The following WDR70 variants were observed in gnomAD, a reference collection of about 807,000 sequenced individuals.
The protein encoded by WDR70 is WD repeat-containing protein 70.
In WDR70, 53 loss-of-function variants were observed where a neutral mutation model predicts 88.6. That is an observed-to-expected ratio of 0.60 (90% CI 0.48 to 0.75). The LOEUF is 0.75. WDR70 is among the 30% of genes least tolerant of loss of function. The probability of loss-of-function intolerance (pLI) is 0.00; values close to 1 mark genes in which losing one functional copy is unlikely to be tolerated. For missense variants in WDR70, 610 were observed against 823.2 expected (o/e 0.74, Z 3.17); for synonymous variants, 280 against 270.0 (o/e 1.04, Z -0.36).
At chr5:37,614,458 T>C (rs1464788319) in intron 10 of WDR70, among the ~76,000 whole-genome samples, 1 of 152,136 alleles carries the variant, frequency 6.6e-6, no homozygotes, top group Non-Finnish European at 1.5e-5. Context: ...TATTAACAGG[T>C]TCCAGGGACT....
At chr5:37,679,856 G>T (rs1360601612) in intron 10 of WDR70, among the ~76,000 whole-genome samples, 1 of 152,258 alleles carries the variant, frequency 6.6e-6, no homozygotes, top group Non-Finnish European at 1.5e-5. Context: ...GCAGAGGCAG[G>T]CAGGCCTCCT....
chr5:37,657,931 T>C (rs1745603160), intron 10 of WDR70, among the ~76,000 whole-genome samples: 1 of 152,242 alleles, frequency 6.6e-6, no homozygotes, highest in African/African-American at 2.4e-5. Flanking sequence ...AATTAACCTC[T>C]AGTAACCTAT....
intron 7 of WDR70, among the ~76,000 whole-genome samples, chr5:37,465,327 A>G (rs1186374345): frequency 6.6e-6 from 1 of 152,178 alleles, no homozygotes; most frequent in Non-Finnish European, 1.5e-5. Flanking sequence ...GAAATGCTTC[A>G]CATTGTCACA....
At chr5:37,602,359 A>C (rs2112470667) in intron 9 of WDR70, among the ~76,000 whole-genome samples, 1 of 152,278 alleles carries the variant, frequency 6.6e-6, no homozygotes, top group Non-Finnish European at 1.5e-5. Flanking sequence ...CTGTAATCCC[A>C]GCACTTTGGG....
intron 10 of WDR70, among the ~76,000 whole-genome samples, chr5:37,624,609 C>G (rs192490653): frequency 3.4e-4 from 52 of 152,154 alleles, no homozygotes; most frequent in South Asian, 6.2e-4. Context: ...AAAATCAACT[C>G]ATAAAAGGCA....
intron 10 of WDR70, among the ~76,000 whole-genome samples, chr5:37,657,552 A>G (rs1745592630): frequency 6.6e-6 from 1 of 152,250 alleles, no homozygotes; most frequent in Non-Finnish European, 1.5e-5. Context: ...ATCTCTGGAT[A>G]GTTCCCTCTC....
chr5:37,655,897 C>T (rs1409907777), intron 10 of WDR70, among the ~76,000 whole-genome samples: 1 of 151,974 alleles, frequency 6.6e-6, no homozygotes, highest in East Asian at 1.9e-4. Flanking sequence ...TCGTTTAGCT[C>T]AGAGGAGTTC....
chr5:37,389,024 AC>A (rs1227223855), intron 3 of WDR70, among the ~76,000 whole-genome samples: 1 of 149,788 alleles, frequency 6.7e-6, no homozygotes, highest in Non-Finnish European at 1.5e-5. Context: ...TGCTGCTGCC[AC>A]CCCCCGAGGT....
chr5:37,750,635 A>T (rs1399262746), intron 17 of WDR70, among the ~76,000 whole-genome samples: 1 of 152,118 alleles, frequency 6.6e-6, no homozygotes. Flanking sequence ...AGTGGGAAGT[A>T]ATTTCCCATG....
Position 37,516,604 on chromosome 5 carries a change from AT to A in WDR70, c.917+15del. 6.4e-7 allele frequency: 1 copy of A among 1,559,384 alleles called. No individual in the cohort carries two copies. Reference sequence around the variant, plus strand: ...CTCAAATGATGCGTGAGTATTGTTGATAATTCATCTAATACATTCATATCTT... The same window carrying A: ...CTCAAATGATGCGTGAGTATTGTTGAAATTCATCTAATACATTCATATCTT... On this transcript the variant is annotated intron_variant, in intron 9 of 17. Coordinates refer to ENST00000265107, the MANE Select transcript of WDR70 (RefSeq NM_018034.4).
intron 10 of WDR70, among the ~76,000 whole-genome samples, chr5:37,648,557 G>A (rs534923207): frequency 6.6e-6 from 1 of 151,640 alleles, no homozygotes; most frequent in East Asian, 1.9e-4. Flanking sequence ...TCAGTTGTTA[G>A]AAGTCACTGT....
chr5:37,476,555 CT>C (rs70978822), intron 7 of WDR70, among the ~76,000 whole-genome samples: 8 of 147,924 alleles, frequency 5.4e-5, no homozygotes, highest in African/African-American at 9.9e-5. Context: ...TTTTCTTCTT[CT>C]TTTTTTTTTT....
At chr5:37,397,645 G>A (rs2886592) in intron 5 of WDR70, among the ~76,000 whole-genome samples, 147,960 of 152,312 alleles carry the variant, frequency 0.97, 72,029 homozygotes, top group East Asian at 1. Context: ...AGGAGGCCAG[G>A]GATACCGGTT....
At chr5:37,622,870 A>G (rs1392189498) in intron 10 of WDR70, among the ~76,000 whole-genome samples, 1 of 152,220 alleles carries the variant, frequency 6.6e-6, no homozygotes, top group Admixed American at 6.5e-5. Flanking sequence ...GTGCACATGT[A>G]CCCTAAAACT....
chr5:37,467,435 T>C (rs569925909), intron 7 of WDR70, among the ~76,000 whole-genome samples: 9 of 152,058 alleles, frequency 5.9e-5, no homozygotes, highest in African/African-American at 1.9e-4. Context: ...AATGCCACCA[T>C]AGGGGCTCTA....
At chr5:37,724,891 G>T (rs760988320) in intron 15 of WDR70, 43 bp from the exon 16 acceptor site, 1 of 1,549,078 alleles carries the variant, frequency 6.5e-7, no homozygotes, top group Non-Finnish European at 8.9e-7. Context: ...TGGATGGGAA[G>T]GTTATTGTTA....
At chr5:37,725,281 G>A (rs1008048204) in intron 16 of WDR70, among the ~76,000 whole-genome samples, 17 of 151,948 alleles carry the variant, frequency 1.1e-4, no homozygotes, top group Non-Finnish European at 4.4e-5. Context: ...GAAGACTGGG[G>A]CCCTTTCTGC....
At chr5:37,381,055 A>G (rs1748409514) in intron 2 of WDR70, among the ~76,000 whole-genome samples, 1 of 152,188 alleles carries the variant, frequency 6.6e-6, no homozygotes, top group Non-Finnish European at 1.5e-5. Context: ...CTGGGGGAGG[A>G]GGAGAATGTT....
At chr5:37,638,895 C>T (rs1017926186) in intron 10 of WDR70, among the ~76,000 whole-genome samples, 3 of 152,142 alleles carry the variant, frequency 2.0e-5, no homozygotes, top group Non-Finnish European at 4.4e-5. Context: ...ACAATATTAG[C>T]TTCAATTATC....
Sources: allele counts gnomAD v4.1 joint callset (sites outside exome capture counted in the v4.1 genomes callset), GRCh38; gene constraint gnomAD v4.1.1; transcripts MANE v1.5; gene names NCBI Gene and HGNC (gene_info 2026-07-23, HGNC 2026-07-21).